Variants in CDC14A observed in about 807,000 individuals in gnomAD.
CDC14A encodes the protein dual specificity protein phosphatase CDC14A.
CDC14A carries 53 observed loss-of-function variants against 74.4 expected under a neutral mutation model. The observed-to-expected ratio is 0.71, with a 90% CI of 0.57 to 0.89. The LOEUF is 0.89. CDC14A is among the 40% of genes least tolerant of loss of function. The probability of loss-of-function intolerance (pLI) is 0.00; values close to 1 mark genes in which losing one functional copy is unlikely to be tolerated. For synonymous variants in CDC14A, 247 were observed against 258.4 expected, an observed-to-expected ratio of 0.96 and a Z score of 0.43; for missense variants, 646 against 713.7, an observed-to-expected ratio of 0.91 and a Z score of 1.08.
chr1:100,391,216 A>G (rs571357627), intron 4 of CDC14A, among the ~76,000 whole-genome samples: 3 of 152,332 alleles, frequency 2.0e-5, no homozygotes, highest in Admixed American at 2.0e-4. Flanking sequence ...TTGGGAGAAG[A>G]GGAAACCTTA....
At chr1:100,498,007 T>G (rs1487996717) in intron 13 of CDC14A, 78 bp from the exon 14 acceptor site, 1 of 1,444,750 alleles carries the variant, frequency 6.9e-7, no homozygotes, top group Non-Finnish European at 9.5e-7. Context: ...TTGATTAATT[T>G]ATCTTGTCCT....
chr1:100,403,740 C>T (rs1475053101), intron 4 of CDC14A, among the ~76,000 whole-genome samples: 1 of 152,156 alleles, frequency 6.6e-6, no homozygotes, highest in Non-Finnish European at 1.5e-5. Context: ...TTCCTGGCAA[C>T]CAAAATGTGC....
chr1:100,517,909 A>G (rs543663948), intron 15 of CDC14A, among the ~76,000 whole-genome samples: 13 of 152,368 alleles, frequency 8.5e-5, no homozygotes, highest in Non-Finnish European at 1.3e-4. Flanking sequence ...AGTTAAAAGT[A>G]TCTTTTAATA....
At position 100,492,862 on chromosome 1, in the gene CDC14A, GTA is replaced by G. The variant is rs1345523798; in HGVS notation, c.1138-1954_1138-1953del. Among the ~76,000 whole-genome samples, 244 of 145,282 alleles carry G rather than the reference GTA, an allele frequency of 1.7e-3. 3 individuals are homozygous for G. The highest frequency in any genetic ancestry group is 2.4e-3 in the Non-Finnish European group (158 of 66,082). On this transcript the variant is annotated intron_variant, in intron 11 of 15. Transcript: ENST00000336454. The stretch of plus-strand genomic sequence containing the variant: ...CTGCTGTGTGTGTGTGTGTGTGTGT[GTA>G]TGTGTGTGTGTGTGTGGGTATGTGT...
intron 3 of CDC14A, among the ~76,000 whole-genome samples, chr1:100,390,510 G>T (rs1297038251): frequency 6.6e-6 from 1 of 152,142 alleles, no homozygotes; most frequent in Non-Finnish European, 1.5e-5. Context: ...TTCTGGGAGA[G>T]AAAGATATTA....
intron 4 of CDC14A, among the ~76,000 whole-genome samples, chr1:100,392,142 G>A (rs1235839597): frequency 1.3e-5 from 2 of 152,086 alleles, no homozygotes; most frequent in African/African-American, 2.4e-5. Flanking sequence ...AGTATTTGTA[G>A]TGCCAGCCAG....
intron 11 of CDC14A, 190 bp downstream of exon 11, chr1:100,484,641 C>A (rs1669850867): frequency 1.8e-6 from 2 of 1,136,410 alleles, no homozygotes; most frequent in Non-Finnish European, 2.2e-6. Context: ...AAAAAAAAAG[C>A]TATAATTTAA....
intron 2 of CDC14A, among the ~76,000 whole-genome samples, chr1:100,374,556 T>G (rs895553417): frequency 6.6e-6 from 1 of 151,856 alleles, no homozygotes; most frequent in Non-Finnish European, 1.5e-5. Context: ...CTGATGCATC[T>G]CTGTGTTCTT....
chr1:100,484,515 G>T, intron 11 of CDC14A, 64 bp downstream of exon 11: 2 of 1,520,538 alleles, frequency 1.3e-6, no homozygotes, highest in South Asian at 2.8e-5. Flanking sequence ...TTCTCAGTTG[G>T]ACCTATATAA....
At chr1:100,414,208 G>A (rs1297621567) in intron 4 of CDC14A, among the ~76,000 whole-genome samples, 1 of 152,162 alleles carries the variant, frequency 6.6e-6, no homozygotes, top group Non-Finnish European at 1.5e-5. Context: ...GCTCATGCCT[G>A]TAATCCCAAC....
chr1:100,506,596 C>A (rs10875297), intron 15 of CDC14A, among the ~76,000 whole-genome samples: 133,749 of 152,206 alleles, frequency 0.88, 61,057 homozygotes, highest in Non-Finnish European at 1. Context: ...GTTTATGTTA[C>A]TTTTCTGTAT....
chr1:100,421,077 T>C (rs1439651269), intron 4 of CDC14A, among the ~76,000 whole-genome samples: 1 of 152,212 alleles, frequency 6.6e-6, no homozygotes, highest in African/African-American at 2.4e-5. Context: ...AAGTCGTGCA[T>C]GTACCACCCA....
At chr1:100,436,571 C>A (rs772752248) in intron 5 of CDC14A, among the ~76,000 whole-genome samples, 11 of 151,876 alleles carry the variant, frequency 7.2e-5, no homozygotes, top group Non-Finnish European at 1.3e-4. Context: ...ATTACAGGTA[C>A]CTGCCACCAT....
intron 4 of CDC14A, chr1:100,393,498 A>C: frequency 3.9e-6 from 3 of 767,508 alleles, no homozygotes; most frequent in Non-Finnish European, 7.3e-6. Context: ...CAGTCTCTCA[A>C]ATTCATTTCT....
chr1:100,420,031 TACACACACACACACAC>T (rs368385925), intron 4 of CDC14A, among the ~76,000 whole-genome samples: 1,002 of 82,922 alleles, frequency 0.012, 41 homozygotes, highest in African/African-American at 0.034. Flanking sequence ...TATACATATA[TACACACACACACACAC>T]ACACACACAC....
At chr1:100,488,434 C>T (rs1476230460) in intron 11 of CDC14A, among the ~76,000 whole-genome samples, 6 of 152,254 alleles carry the variant, frequency 3.9e-5, no homozygotes, top group South Asian at 4.1e-4. Context: ...GCCACCCTCC[C>T]GGGAGGCCTC....
In CDC14A at chr1:100,502,998, C is replaced by T. The variant is rs561638889; in HGVS notation, c.1755+3736C>T. ...CAACACAACATTTTCCTCCCTCTCA[C>T]CCTCCCTGGAAGTAAGAAGCAGCAG... On this transcript the variant is annotated intron_variant, in intron 15 of 15. Coordinates refer to ENST00000336454, the MANE Select transcript of CDC14A (RefSeq NM_003672.4). Among the ~76,000 whole-genome samples, 6 of 152,300 alleles carry T rather than the reference C, an allele frequency of 3.9e-5. No individual in the cohort carries two copies. In the East Asian group the frequency reaches 7.7e-4, roughly 20 times the overall value.
chr1:100,426,352 A>G (rs1366363732), intron 5 of CDC14A, among the ~76,000 whole-genome samples: 1 of 152,112 alleles, frequency 6.6e-6, no homozygotes, highest in Non-Finnish European at 1.5e-5. Flanking sequence ...GCTTCAAGTG[A>G]TCCACTTGCA....
At chr1:100,459,126 C>CAGAGAGAGAGAGAGAGAGAGAG (rs112078644) in intron 8 of CDC14A, among the ~76,000 whole-genome samples, 3 of 144,574 alleles carry the variant, frequency 2.1e-5, no homozygotes, top group African/African-American at 7.8e-5. Flanking sequence ...CACACACACA[C>CAGAGAGAGAGAGAGAGAGAGAG]AGAGAGAGAG....
Sources: allele counts gnomAD v4.1 joint callset (sites outside exome capture counted in the v4.1 genomes callset), GRCh38; gene constraint gnomAD v4.1.1; transcripts MANE v1.5; gene names NCBI Gene and HGNC (gene_info 2026-07-23, HGNC 2026-07-21).